SAMMSON: variants seen among roughly 807,000 people sequenced by gnomAD.
SAMMSON encodes the protein survival associated mitochondrial melanoma specific oncogenic non-coding RNA, also known as long intergenic non-protein coding RNA 1212.
intron 4 of SAMMSON, among the ~76,000 whole-genome samples, chr3:70,102,561 C>T (rs1447183476): frequency 6.6e-6 from 1 of 152,120 alleles, no homozygotes. Context: ...TTTTTCATTC[C>T]TCTTTCACCA....
chr3:70,107,556 C>A (rs971892236), intron 4 of SAMMSON, among the ~76,000 whole-genome samples: 2 of 151,246 alleles, frequency 1.3e-5, no homozygotes, highest in African/African-American at 4.9e-5. Flanking sequence ...CTGTTCTTTA[C>A]CCAACCCTCT....
intron 2 of SAMMSON, among the ~76,000 whole-genome samples, chr3:70,425,817 A>G (rs1329828727): frequency 6.6e-6 from 1 of 152,170 alleles, no homozygotes; most frequent in Non-Finnish European, 1.5e-5. Context: ...AGGACTCAGG[A>G]AGAGTATCAC....
At chr3:70,035,461 T>C (rs746514583) in intron 3 of SAMMSON, among the ~76,000 whole-genome samples, 1 of 152,142 alleles carries the variant, frequency 6.6e-6, no homozygotes, top group Non-Finnish European at 1.5e-5. Context: ...CATATCAGTA[T>C]ATAGATTGAT....
intron 7 of SAMMSON, among the ~76,000 whole-genome samples, chr3:70,307,458 C>T (rs1000696156): frequency 2.0e-5 from 3 of 152,096 alleles, no homozygotes; most frequent in Admixed American, 2.0e-4. Context: ...CAGAATGCTC[C>T]TTGGCTTAAT....
chr3:70,259,754 G>C (rs1701848216), intron 6 of SAMMSON, among the ~76,000 whole-genome samples: 1 of 152,150 alleles, frequency 6.6e-6, no homozygotes, highest in Non-Finnish European at 1.5e-5. Context: ...GTATTAGTCT[G>C]TTTTCATACC....
At chr3:70,349,065 A>G (rs1702773151) in intron 7 of SAMMSON, among the ~76,000 whole-genome samples, 1 of 152,106 alleles carries the variant, frequency 6.6e-6, no homozygotes, top group Non-Finnish European at 1.5e-5. Flanking sequence ...CATGCACACA[A>G]GAAATGGGGG....
At chr3:70,113,602 G>A (rs1444609225) in intron 4 of SAMMSON, among the ~76,000 whole-genome samples, 1 of 152,168 alleles carries the variant, frequency 6.6e-6, no homozygotes, top group African/African-American at 2.4e-5. Context: ...GTAAAGGGAT[G>A]TGTACAAGTT....
chr3:70,228,528 C>CTTTG (rs1044247537), intron 4 of SAMMSON, among the ~76,000 whole-genome samples: 3 of 150,958 alleles, frequency 2.0e-5, no homozygotes, highest in Admixed American at 1.3e-4. Flanking sequence ...TTTCTAAGTT[C>CTTTG]TTTGTTTGTT....
At chr3:70,168,078 T>C (rs1188639729) in intron 4 of SAMMSON, among the ~76,000 whole-genome samples, 1 of 152,000 alleles carries the variant, frequency 6.6e-6, no homozygotes, top group African/African-American at 2.4e-5. Context: ...CGTGAAAGAC[T>C]CGCATATTCT....
At chr3:70,078,178 G>A (rs1576116168) in intron 4 of SAMMSON, among the ~76,000 whole-genome samples, 2 of 152,132 alleles carry the variant, frequency 1.3e-5, no homozygotes, top group Non-Finnish European at 2.9e-5. Flanking sequence ...ACTTGACACA[G>A]GAGAATCTCA....
intron 4 of SAMMSON, among the ~76,000 whole-genome samples, chr3:70,194,240 T>A (rs1231704661): frequency 1.3e-5 from 2 of 152,178 alleles, no homozygotes; most frequent in African/African-American, 2.4e-5. Flanking sequence ...TTTATAAGAG[T>A]GTGCTTCCTT....
chr3:70,077,997 C>T (rs2106639678), intron 4 of SAMMSON, among the ~76,000 whole-genome samples: 1 of 152,300 alleles, frequency 6.6e-6, no homozygotes, highest in South Asian at 2.1e-4. Flanking sequence ...CCCCGTTTAT[C>T]CCTGCTGCAA....
chr3:70,398,166 T>C (rs1701107522), intron 2 of SAMMSON, among the ~76,000 whole-genome samples: 1 of 152,088 alleles, frequency 6.6e-6, no homozygotes, highest in African/African-American at 2.4e-5. Flanking sequence ...GAAAGAAAAA[T>C]ATAAAATTAT....
intron 4 of SAMMSON, among the ~76,000 whole-genome samples, chr3:70,107,159 A>C (rs1212228649): frequency 6.6e-6 from 1 of 152,186 alleles, no homozygotes; most frequent in African/African-American, 2.4e-5. Flanking sequence ...GATAAAAGAC[A>C]CACCCAAATT....
chr3:70,268,185 C>A (rs2106668567), intron 6 of SAMMSON, among the ~76,000 whole-genome samples: 2 of 152,260 alleles, frequency 1.3e-5, no homozygotes, highest in South Asian at 4.1e-4. Context: ...TATCAACATT[C>A]TCCGGCTGGG....
chr3:70,091,968 G>GT (rs1041981107), intron 4 of SAMMSON, among the ~76,000 whole-genome samples: 84 of 151,964 alleles, frequency 5.5e-4, no homozygotes, highest in African/African-American at 1.6e-3. Flanking sequence ...AAATTAAGGG[G>GT]TTTTTTTTGT....
intron 6 of SAMMSON, among the ~76,000 whole-genome samples, chr3:70,257,390 T>C (rs904868340): frequency 1.3e-5 from 2 of 152,150 alleles, no homozygotes; most frequent in African/African-American, 4.8e-5. Context: ...TCATTTCTTT[T>C]GCAGAGAACC....
At chr3:70,000,705 C>T (rs1271311765) in intron 1 of SAMMSON, among the ~76,000 whole-genome samples, 2 of 152,094 alleles carry the variant, frequency 1.3e-5, no homozygotes, top group African/African-American at 2.4e-5. Context: ...CACAATAACA[C>T]CAGAAGGACA....
intron 1 of SAMMSON, chr3:70,009,431 G>T (rs2066944290): frequency 6.6e-6 from 1 of 152,140 alleles, no homozygotes; most frequent in Non-Finnish European, 1.5e-5. Flanking sequence ...TTTGCGTAGA[G>T]GTGTTTATAG....
Sources: gnomAD v4.1 joint callset for allele counts (sites outside exome capture counted in the v4.1 genomes callset) on GRCh38, gnomAD v4.1.1 for gene constraint, MANE v1.5 for transcripts, NCBI Gene and HGNC (gene_info 2026-07-23, HGNC 2026-07-21) for gene names.